Variants in DCP2 observed in about 807,000 individuals in gnomAD.
The protein encoded by DCP2 is m7GpppN-mRNA hydrolase.
Under a neutral mutation model 56.1 loss-of-function variants are expected in DCP2, and 30 were observed. That is an observed-to-expected ratio of 0.53 (90% CI 0.40 to 0.73). The LOEUF is 0.73. DCP2 is among the 30% of genes least tolerant of loss of function. The pLI is 0.00. For missense variants in DCP2, 533 were observed against 502.7 expected, an observed-to-expected ratio of 1.06 and a Z score of -0.58; for synonymous variants, 197 against 163.3, an observed-to-expected ratio of 1.21 and a Z score of -1.57.
chr5:112,997,186 A>G, intron 4 of DCP2, among the ~76,000 whole-genome samples: 1 of 152,196 alleles, frequency 6.6e-6, no homozygotes, highest in South Asian at 2.1e-4. Flanking sequence ...GAGTAATTCC[A>G]TTTTGTTTAG....
intron 1 of DCP2, among the ~76,000 whole-genome samples, chr5:112,978,546 T>C (rs1206181205): frequency 6.6e-6 from 1 of 152,166 alleles, no homozygotes; most frequent in Non-Finnish European, 1.5e-5. Flanking sequence ...CAAAAGTACA[T>C]ACAGAAAAGT....
In DCP2 at chr5:113,021,787, G is replaced by C. The variant is rs1580851564; in HGVS notation, c.*8303G>C. ...GTGTTGCAAAGCTGCTTGCCATCTT[G>C]TTGTCCTATATGACTTCCTTGCATT... On this transcript the variant is annotated 3_prime_UTR_variant, in exon 11 of 11. Transcript: ENST00000389063. 6.6e-6 allele frequency among the ~76,000 whole-genome samples: 1 copy of C among 152,096 alleles called. No individual in the cohort carries two copies. The highest frequency in any genetic ancestry group is 1.5e-5 in the Non-Finnish European group (1 of 68,016).
In DCP2 at chr5:113,013,651, C is replaced by G. The variant is rs1409148301; in HGVS notation, c.*167C>G. 3 of 751,186 alleles carry G rather than the reference C, an allele frequency of 4.0e-6. No individual in the cohort carries two copies. Among genetic ancestry groups the G allele is most frequent in the Middle Eastern group, 3.9e-4 (1 of 2,546 alleles). 46.5% of individuals were successfully genotyped at this position (751,186 alleles called of 1,614,324 possible). On this transcript the variant is annotated 3_prime_UTR_variant, in exon 11 of 11. Transcript: ENST00000389063. ...GAGTAGAAAGAAACACGAGTTTGCA[C>G]TGTAAATGCAGTTATAACCTTTTAT...
chr5:112,994,937 A>G (rs1421341955), intron 4 of DCP2, among the ~76,000 whole-genome samples: 3 of 152,188 alleles, frequency 2.0e-5, no homozygotes, highest in Non-Finnish European at 4.4e-5. Flanking sequence ...GGCACATTTC[A>G]TTAGAATTCA....
At chr5:112,997,232 C>T (rs1748902153) in intron 4 of DCP2, among the ~76,000 whole-genome samples, 1 of 152,180 alleles carries the variant, frequency 6.6e-6, no homozygotes, top group Admixed American at 6.5e-5. Context: ...GCAGTCCATA[C>T]CGTGGCCTCC....
chr5:112,993,904 T>C (rs1334978092), intron 4 of DCP2, among the ~76,000 whole-genome samples: 1 of 151,958 alleles, frequency 6.6e-6, no homozygotes, highest in Non-Finnish European at 1.5e-5. Context: ...ACAATTATTT[T>C]TGGTGTAGGA....
rs1390283023 is a variant in DCP2, at chr5:113,021,606, A to AAAT, written c.*8124_*8126dup. ...TAACTTTGGATCTCAAGGGGGAAAG[A>AAAT]AATACATTCTTTTCCATTAGAGACC... On this transcript the variant is annotated 3_prime_UTR_variant, in exon 11 of 11. Transcript: ENST00000389063. Among the ~76,000 whole-genome samples the AAAT allele has an allele frequency of 6.6e-6, 1 of 152,198 alleles. No homozygotes were observed. Among genetic ancestry groups the AAAT allele is most frequent in the African/African-American group, 2.4e-5 (1 of 41,450 alleles).
Position 112,987,500 on chromosome 5 carries a change from T to C in DCP2, c.205+1514T>C, listed in dbSNP as rs141469199. Among the ~76,000 whole-genome samples, 398 of 152,064 alleles carry C rather than the reference T, an allele frequency of 2.6e-3. 2 individuals carry two copies. The highest frequency in any genetic ancestry group is 0.012 in the South Asian group (56 of 4,794). ...GACAGCCTCACTTTGTTGACCAGGC[T>C]GGAGTGTGGTGGTGTGATCTTGGCT... On this transcript the variant is annotated intron_variant, in intron 2 of 10. Coordinates refer to ENST00000389063, the MANE Select transcript of DCP2 (RefSeq NM_152624.6).
chr5:112,998,549 C>T (rs754136438), intron 4 of DCP2, among the ~76,000 whole-genome samples: 5 of 152,166 alleles, frequency 3.3e-5, no homozygotes, highest in Non-Finnish European at 5.9e-5. Context: ...AATTCACTGC[C>T]TAGAACAGTG....
chr5:112,993,247 C>A (rs923919080), intron 4 of DCP2, among the ~76,000 whole-genome samples: 2 of 152,162 alleles, frequency 1.3e-5, no homozygotes, highest in Non-Finnish European at 2.9e-5. Flanking sequence ...CTCCCCCACA[C>A]AAATCTTAAC....
At chr5:112,981,917 C>T (rs550657718) in intron 1 of DCP2, among the ~76,000 whole-genome samples, 3 of 152,186 alleles carry the variant, frequency 2.0e-5, no homozygotes, top group Non-Finnish European at 4.4e-5. Context: ...ATTACAGGCA[C>T]CCTCCACCAC....
At chr5:113,006,462 G>A (rs1437541680) in intron 8 of DCP2, among the ~76,000 whole-genome samples, 1 of 152,126 alleles carries the variant, frequency 6.6e-6, no homozygotes, top group Non-Finnish European at 1.5e-5. Flanking sequence ...AAAAACTGCT[G>A]GGAAGAGTGG....
rs757188090 is a variant in DCP2 at position 113,003,997 on chromosome 5, C to T, written c.862C>T (p.Gln288Ter). The change falls in exon 8 of 11, where the codon CAG becomes TAG. Residue 288 changes from glutamine (Q) to a stop codon, truncating the protein, a stop_gained. Transcript: ENST00000389063. LOFTEE classifies it high-confidence loss of function. ...ATTTCCTGACGGTTCTCCTGGTGACCAGTGGGTAAAGCACAGGCAACCACT... is the reference window on the plus strand; with the variant it reads ...ATTTCCTGACGGTTCTCCTGGTGACTAGTGGGTAAAGCACAGGCAACCACT... ...QLFPDGSPGD[Q>*]WVKHRQPLQQ... 6.2e-7 allele frequency: 1 copy of T among 1,614,082 alleles called. No homozygotes were observed. The highest frequency in any genetic ancestry group is 8.5e-7 in the Non-Finnish European group (1 of 1,179,988).
At position 112,992,177 on chromosome 5, in the gene DCP2, G is replaced by T; in HGVS notation, c.262G>T (p.Asp88Tyr). The T allele has an allele frequency of 6.2e-7, 1 of 1,614,036 alleles. No homozygotes were observed. Among genetic ancestry groups the T allele is most frequent in the South Asian group, 1.1e-5 (1 of 91,056 alleles). Residue 88 changes from aspartate to tyrosine, a missense_variant, in exon 3 of 11, where the codon GAT becomes TAT. Coordinates refer to ENST00000389063, the MANE Select transcript of DCP2 (RefSeq NM_152624.6). ...PQGEDVEKVL[D>Y]EWKEYKMGVP... The stretch of plus-strand genomic sequence containing the variant: ...AGGTGAAGATGTGGAAAAAGTTTTG[G>T]ATGAATGGAAGGAATATAAAATGGG...
At chr5:113,005,153 T>TGTGTGGGTGTGG (rs771436317) in intron 8 of DCP2, among the ~76,000 whole-genome samples, 2 of 149,444 alleles carry the variant, frequency 1.3e-5, no homozygotes, top group African/African-American at 2.5e-5. Flanking sequence ...TGCGTGTGGG[T>TGTGTGGGTGTGG]GTGTGTGTGT....
Position 113,007,984 on chromosome 5 carries a change from C to G in DCP2, c.989C>G (p.Pro330Arg), listed in dbSNP as rs1457620045. The G allele has an allele frequency of 6.2e-7, 1 of 1,613,686 alleles. No homozygotes were observed. Among genetic ancestry groups the G allele is most frequent in the Non-Finnish European group, 8.5e-7 (1 of 1,179,824 alleles). Residue 330 changes from proline to arginine, a missense_variant, in exon 9 of 11, where the codon CCT becomes CGT. Physicochemically the swap from Pro to Arg is moderately radical, Grantham distance 103. Coordinates refer to ENST00000389063, the MANE Select transcript of DCP2 (RefSeq NM_152624.6). Reference sequence around the variant, plus strand: ...GGCAGAAAACAGTATCAAGATTCACCTAATCAAAAGAAAAGAACAAATGGG... The same window carrying G: ...GGCAGAAAACAGTATCAAGATTCACGTAATCAAAAGAAAAGAACAAATGGG... ...GNGRKQYQDS[P>R]NQKKRTNGLQ...
rs1372495493 is a variant in DCP2, at chr5:113,021,927, C to T, written c.*8443C>T. ...TTTTAAAAAGCCAACTAAAAATGGG[C>T]TATAAATGAGGGTTCTTTGGCCATT... is the stretch of plus-strand genomic sequence containing the variant. On this transcript the variant is annotated 3_prime_UTR_variant, in exon 11 of 11. Coordinates refer to ENST00000389063, the MANE Select transcript of DCP2 (RefSeq NM_152624.6). Among the ~76,000 whole-genome samples, 1 of 152,158 alleles carries T rather than the reference C, an allele frequency of 6.6e-6. No individual in the cohort carries two copies. Among genetic ancestry groups the T allele is most frequent in the Non-Finnish European group, 1.5e-5 (1 of 68,022 alleles).
Position 112,988,971 on chromosome 5 carries a change from T to C in DCP2, c.205+2985T>C, listed in dbSNP as rs189793566. Among the ~76,000 whole-genome samples the C allele has an allele frequency of 8.0e-3, 1,222 of 152,282 alleles. 10 individuals are homozygous for C. Among genetic ancestry groups the C allele is most frequent in the South Asian group, 0.014 (69 of 4,826 alleles). ...ACACCAACAACCTTTGTTTTAGGTA[T>C]GTTTCATTTAGTTAACTAAGAATAG... On this transcript the variant is annotated intron_variant, in intron 2 of 10. Coordinates refer to ENST00000389063, the MANE Select transcript of DCP2 (RefSeq NM_152624.6).
chr5:113,000,659 C>G (rs1022034217), intron 4 of DCP2, among the ~76,000 whole-genome samples: 24 of 152,158 alleles, frequency 1.6e-4, no homozygotes, highest in African/African-American at 5.3e-4. Context: ...GACTTTTACT[C>G]TGATTGGAAT....
Sources: allele counts gnomAD v4.1 joint callset (sites outside exome capture counted in the v4.1 genomes callset), GRCh38; gene constraint gnomAD v4.1.1; transcripts MANE v1.5; gene names NCBI Gene and HGNC (gene_info 2026-07-23, HGNC 2026-07-21).